The following HNRNPUL1 variants were observed in gnomAD, a reference collection of about 807,000 sequenced individuals.
HNRNPUL1 encodes heterogeneous nuclear ribonucleoprotein U-like protein 1.
Under a neutral mutation model 108.5 loss-of-function variants are expected in HNRNPUL1, and 14 were observed. That is an observed-to-expected ratio of 0.13 (90% CI 0.09 to 0.20). The LOEUF (loss-of-function observed/expected upper bound fraction) is 0.20. Ranked by LOEUF, HNRNPUL1 falls within the 10% of genes least tolerant of loss-of-function variation. The pLI is 1.00. For missense variants in HNRNPUL1, 804 were observed against 1,168.3 expected, an observed-to-expected ratio of 0.69 and a Z score of 4.55; for synonymous variants, 422 against 445.2, an observed-to-expected ratio of 0.95 and a Z score of 0.66.
rs1377934972 is a variant in HNRNPUL1, at chr19:41,268,280, A to G, written c.353A>G (p.Gln118Arg). Residue 118 changes from glutamine (Q) to arginine (R), a missense_variant, in exon 2 of 15, where the codon CAA becomes CGA. By Grantham distance (43) the Gln-to-Arg change is conservative. This residue lies in a region of HNRNPUL1 where 256 missense variants were observed against 261.6 expected (regional missense o/e 0.98). Coordinates refer to ENST00000392006, the MANE Select transcript of HNRNPUL1 (RefSeq NM_007040.6). Reference protein sequence around the residue: ...NQFYDTQVIKQENESGYERRP... With the variant: ...NQFYDTQVIKRENESGYERRP... ...TTCTACGATACCCAAGTCATCAAAC[A>G]AGAAAACGAGTCAGGCTACGAGAGG... 2.5e-6 allele frequency: 4 copies of G among 1,614,130 alleles called. No homozygotes were observed. Among genetic ancestry groups the G allele is most frequent in the East Asian group, 2.2e-5 (1 of 44,874 alleles).
At chr19:41,302,323 G>T (rs1415643019) in intron 11 of HNRNPUL1, 4 of 350,888 alleles carry the variant, frequency 1.1e-5, no homozygotes, top group Middle Eastern at 1.0e-3. Context: ...AGTTCACCCA[G>T]TTCTCCTGCC....
intron 7 of HNRNPUL1, among the ~76,000 whole-genome samples, chr19:41,283,898 C>T (rs965605849): frequency 2.6e-5 from 4 of 152,220 alleles, no homozygotes; most frequent in South Asian, 2.1e-4. Flanking sequence ...CAGCCAACTG[C>T]ATAAAATTAA....
At chr19:41,298,791 G>C (rs1451556645) in intron 10 of HNRNPUL1, 2 of 152,200 alleles carry the variant, frequency 1.3e-5, no homozygotes, top group East Asian at 1.9e-4. Flanking sequence ...GGGGCTAGCC[G>C]TCTTGGCAGC....
chr19:41,279,033 C>A, intron 5 of HNRNPUL1, 44 bp from the exon 6 acceptor site: 1 of 1,382,070 alleles, frequency 7.2e-7, no homozygotes, highest in Non-Finnish European at 1.0e-6. Flanking sequence ...TAACCTACGG[C>A]CTCCAGAGAA....
chr19:41,305,955 T>C (rs1294210997), intron 14 of HNRNPUL1, 88 bp downstream of exon 14: 1 of 927,122 alleles, frequency 1.1e-6, no homozygotes, highest in East Asian at 2.6e-5. Context: ...TCCCTGCTTA[T>C]CCCTAAAAAG....
intron 7 of HNRNPUL1, among the ~76,000 whole-genome samples, chr19:41,291,193 T>G (rs2036556958): frequency 2.0e-5 from 3 of 152,192 alleles, no homozygotes; most frequent in Admixed American, 1.3e-4. Context: ...AATCTGACCT[T>G]GTGTTCTGTC....
At chr19:41,285,739 C>A (rs1354292050) in intron 7 of HNRNPUL1, among the ~76,000 whole-genome samples, 1 of 152,052 alleles carries the variant, frequency 6.6e-6, no homozygotes, top group African/African-American at 2.4e-5. Flanking sequence ...CACCAAGAAC[C>A]CCATGAGTTT....
chr19:41,283,433 A>G (rs1373661423), intron 7 of HNRNPUL1, among the ~76,000 whole-genome samples: 1 of 152,080 alleles, frequency 6.6e-6, no homozygotes, highest in East Asian at 1.9e-4. Flanking sequence ...GGTGTGCACC[A>G]CCACGCCTGG....
At chr19:41,298,253 A>G (rs988383089) in intron 10 of HNRNPUL1, among the ~76,000 whole-genome samples, 1 of 152,218 alleles carries the variant, frequency 6.6e-6, no homozygotes, top group Non-Finnish European at 1.5e-5. Context: ...CTTCTCTGAG[A>G]AACCCAACTC....
intron 3 of HNRNPUL1, 162 bp downstream of exon 3, chr19:41,272,397 T>A: frequency 2.8e-6 from 2 of 723,600 alleles, no homozygotes; most frequent in African/African-American, 3.5e-5. Context: ...CAGATTCAGC[T>A]TTCCTAAACT....
chr19:41,268,159 T>A, intron 1 of HNRNPUL1, 64 bp from the exon 2 acceptor site: 1 of 1,564,804 alleles, frequency 6.4e-7, no homozygotes, highest in Non-Finnish European at 8.7e-7. Context: ...GCCTTCTGGA[T>A]GCTTTGGTCC....
intron 4 of HNRNPUL1, among the ~76,000 whole-genome samples, chr19:41,274,681 C>A (rs2035444178): frequency 6.6e-6 from 1 of 152,210 alleles, no homozygotes; most frequent in Non-Finnish European, 1.5e-5. Flanking sequence ...GCCTATGAAT[C>A]TAAATTTTTA....
intron 7 of HNRNPUL1, among the ~76,000 whole-genome samples, chr19:41,288,639 C>T (rs1264747000): frequency 6.6e-6 from 1 of 152,108 alleles, no homozygotes; most frequent in Non-Finnish European, 1.5e-5. Context: ...TTGATTTAAC[C>T]TAGCGCCTCC....
chr19:41,279,103 C>A lies in HNRNPUL1; in HGVS notation c.813C>A (p.His271Gln). 1 of 1,614,102 alleles carries A rather than the reference C, an allele frequency of 6.2e-7. No individual in the cohort carries two copies. Among genetic ancestry groups the A allele is most frequent in the Non-Finnish European group, 8.5e-7 (1 of 1,180,000 alleles). The change falls in exon 6 of 15, where the codon CAC becomes CAA. Residue 271 changes from histidine to glutamine, a missense_variant. His to Gln is a conservative substitution (Grantham distance 24). This residue lies in a region of HNRNPUL1 where 174 missense variants were observed against 296.6 expected (regional missense o/e 0.59). Transcript: ENST00000392006. ...MKINEEISVKHLPSTEPDPHV... is the reference protein window; with the variant it reads ...MKINEEISVKQLPSTEPDPHV... The stretch of plus-strand genomic sequence containing the variant: ...TCAATGAGGAAATCTCCGTGAAGCA[C>A]CTTCCGTCTACAGAGCCTGACCCCC...
chr19:41,305,669 T>C lies in HNRNPUL1; in HGVS notation c.2263-7T>C, dbSNP rs2037500171. ...AGAGCTTTGGCTTTTTTCCCTCCAC[T>C]TTCCAGCCGAGTTACAGCCAGCCAC... On this transcript the variant is annotated splice_polypyrimidine_tract_variant and splice_region_variant and intron_variant, in intron 13 of 14. Transcript: ENST00000392006. The C allele has an allele frequency of 6.2e-7, 1 of 1,613,970 alleles. No individual in the cohort carries two copies.
intron 7 of HNRNPUL1, among the ~76,000 whole-genome samples, chr19:41,284,330 C>T (rs1264205406): frequency 6.6e-6 from 1 of 152,194 alleles, no homozygotes; most frequent in Non-Finnish European, 1.5e-5. Flanking sequence ...ATCACTACTG[C>T]TGTGCTAGCA....
At chr19:41,266,837 A>G (rs781304380) in intron 1 of HNRNPUL1, among the ~76,000 whole-genome samples, 4 of 152,076 alleles carry the variant, frequency 2.6e-5, no homozygotes, top group Non-Finnish European at 5.9e-5. Flanking sequence ...GCAGTGGCCT[A>G]GAGATTATCG....
chr19:41,264,997 A>G, intron 1 of HNRNPUL1, 199 bp downstream of exon 1: 1 of 1,359,584 alleles, frequency 7.4e-7, no homozygotes, highest in Non-Finnish European at 9.4e-7. Flanking sequence ...TGCAGGGGGG[A>G]CACTGGGGGA....
chr19:41,284,647 T>A (rs1215301707), intron 7 of HNRNPUL1, among the ~76,000 whole-genome samples: 6 of 152,002 alleles, frequency 3.9e-5, no homozygotes, highest in Admixed American at 6.5e-5. Flanking sequence ...AATGAGACTC[T>A]GTCTCAAAAT....
Sources: allele counts gnomAD v4.1 joint callset (sites outside exome capture counted in the v4.1 genomes callset), GRCh38; gene constraint gnomAD v4.1.1; regional missense constraint gnomAD v4.1.1; transcripts MANE v1.5; gene names NCBI Gene and HGNC (gene_info 2026-07-23, HGNC 2026-07-21).